The following SFI1 variants were observed in gnomAD, a reference collection of about 807,000 sequenced individuals.
SFI1 encodes the protein SFI1 centrin binding protein.
Under a neutral mutation model 207.5 loss-of-function variants are expected in SFI1, and 195 were observed. The ratio of observed to expected loss-of-function variants is 0.94; its 90% CI spans 0.84 to 1.06. The LOEUF (loss-of-function observed/expected upper bound fraction) is 1.06, where lower values mean the gene tolerates loss of function less well. Among genes scored for constraint, SFI1 ranks in the 50% least tolerant of loss-of-function variants. The pLI, the probability that SFI1 is intolerant of heterozygous loss-of-function variation, is 0.00. For missense variants in SFI1, 1,634 were observed against 1,588.0 expected (o/e 1.03, Z -0.49); for synonymous variants, 630 against 598.9 (o/e 1.05, Z -0.76).
At chr22:31,578,999 T>C (rs1444678191) in intron 11 of SFI1, among the ~76,000 whole-genome samples, 1 of 152,184 alleles carries the variant, frequency 6.6e-6, no homozygotes, top group African/African-American at 2.4e-5. Context: ...GGCATTATTA[T>C]TATTTTTTAG....
intron 1 of SFI1, among the ~76,000 whole-genome samples, chr22:31,506,583 G>A (rs1447344767): frequency 2.6e-5 from 4 of 152,086 alleles, no homozygotes; most frequent in Admixed American, 2.0e-4. Context: ...ACATTTTGCA[G>A]ATGACATGAT....
At chr22:31,540,405 C>T (rs991044231) in intron 4 of SFI1, among the ~76,000 whole-genome samples, 13 of 151,804 alleles carry the variant, frequency 8.6e-5, no homozygotes, top group African/African-American at 2.9e-4. Flanking sequence ...CCTCAGCCTC[C>T]TGAGTAGCTG....
intron 1 of SFI1, among the ~76,000 whole-genome samples, chr22:31,503,584 G>GTTTT (rs34588094): frequency 1.4e-4 from 13 of 94,484 alleles, no homozygotes; most frequent in Non-Finnish European, 1.6e-4. Flanking sequence ...TTCTTGGACT[G>GTTTT]TTTTTTTTTT....
intron 15 of SFI1, among the ~76,000 whole-genome samples, chr22:31,598,938 C>T (rs1017001028): frequency 6.0e-5 from 9 of 149,666 alleles, no homozygotes; most frequent in African/African-American, 1.5e-4. Context: ...GGATTACAAG[C>T]GCACACCACC....
At chr22:31,555,656 C>T (rs1387419054) in intron 6 of SFI1, among the ~76,000 whole-genome samples, 6 of 152,154 alleles carry the variant, frequency 3.9e-5, no homozygotes, top group African/African-American at 1.4e-4. Context: ...CCAAACATAA[C>T]TCTGAGAGAG....
intron 14 of SFI1, chr22:31,587,315 G>GTTTTT: frequency 5.1e-6 from 2 of 395,426 alleles, no homozygotes; most frequent in Admixed American, 2.5e-5. Context: ...GTTTTGTTTT[G>GTTTTT]TTTTTGAGAC....
In SFI1 at chr22:31,573,065, C is replaced by T. The variant is rs2063118557; in HGVS notation, c.773C>T (p.Ser258Leu). The change falls in exon 9 of 33, where the codon TCA becomes TTA. Residue 258 changes from serine (S) to leucine (L), a missense_variant. Coordinates refer to ENST00000400288, the MANE Select transcript of SFI1 (RefSeq NM_001007467.3). ...CTCTTCTCTGGTTTTCAGGCTTGGT[C>T]ACAGTGGCGGGAACAGCTCCTGTAT... ...RALSLQVQAW[S>L]QWREQLLYVQ... 8.1e-6 allele frequency: 13 copies of T among 1,613,130 alleles called. No individual in the cohort carries two copies. Among genetic ancestry groups the T allele is most frequent in the Non-Finnish European group, 1.1e-5 (13 of 1,179,448 alleles).
intron 2 of SFI1, among the ~76,000 whole-genome samples, chr22:31,514,025 TC>T (rs2146833833): frequency 6.6e-6 from 1 of 151,402 alleles, no homozygotes; most frequent in South Asian, 2.1e-4. Context: ...TTCCAGCTAC[TC>T]GGGAAGCTGA....
chr22:31,571,009 A>C (rs1371840851), intron 8 of SFI1, among the ~76,000 whole-genome samples: 1 of 152,220 alleles, frequency 6.6e-6, no homozygotes, highest in Non-Finnish European at 1.5e-5. Flanking sequence ...TTCATTCAGT[A>C]AGCCTGTGGG....
At chr22:31,561,651 T>C (rs2061714046) in intron 8 of SFI1, among the ~76,000 whole-genome samples, 1 of 152,236 alleles carries the variant, frequency 6.6e-6, no homozygotes, top group African/African-American at 2.4e-5. Flanking sequence ...ATGAATTAGT[T>C]ATAAACATGT....
chr22:31,580,247 T>G, intron 11 of SFI1, 25 bp from the exon 12 acceptor site: 1 of 1,582,894 alleles, frequency 6.3e-7, no homozygotes, highest in East Asian at 2.2e-5. Flanking sequence ...GTCCTTGTAA[T>G]CAGTTGTGTC....
In SFI1 at chr22:31,550,356, A is replaced by G. The variant is rs779777899; in HGVS notation, c.544+8A>G. On this transcript the variant is annotated splice_region_variant and intron_variant, in intron 6 of 32. Coordinates refer to ENST00000400288, the MANE Select transcript of SFI1 (RefSeq NM_001007467.3). ...TTAGAGCCGAGGTTCATGGTGAGAA[A>G]AAGAAGTCCATGTCTGAAGAAGATG... 1.3e-5 allele frequency: 21 copies of G among 1,611,706 alleles called. 1 individual carries two copies. Among genetic ancestry groups the G allele is most frequent in the East Asian group, 1.1e-4 (5 of 44,896 alleles).
chr22:31,570,476 A>G (rs530049130), intron 8 of SFI1, among the ~76,000 whole-genome samples: 15 of 152,326 alleles, frequency 9.8e-5, no homozygotes, highest in African/African-American at 3.4e-4. Flanking sequence ...GGCCTTTTGA[A>G]TAGCCACAAG....
intron 20 of SFI1, 39 bp downstream of exon 20, chr22:31,604,984 A>G: frequency 6.5e-7 from 1 of 1,540,554 alleles, no homozygotes; most frequent in African/African-American, 1.4e-5. Context: ...CAGCTGGGGA[A>G]CAAGGAATGC....
At chr22:31,516,402 A>C (rs1017213794) in intron 2 of SFI1, among the ~76,000 whole-genome samples, 1 of 151,670 alleles carries the variant, frequency 6.6e-6, no homozygotes, top group African/African-American at 2.4e-5. Context: ...AGTCCCAGCT[A>C]CTTGGGGGGC....
At chr22:31,589,193 AGTGTGTGTATGT>A (rs1358047862) in intron 14 of SFI1, among the ~76,000 whole-genome samples, 7 of 127,118 alleles carry the variant, frequency 5.5e-5, no homozygotes, top group Non-Finnish European at 1.7e-5. Flanking sequence ...AGTGAGTGAG[AGTGTGTGTATGT>A]GTGTGCGTGT....
intron 15 of SFI1, among the ~76,000 whole-genome samples, chr22:31,592,423 C>T: frequency 1.5e-5 from 1 of 66,236 alleles, no homozygotes; most frequent in Non-Finnish European, 2.9e-5. Flanking sequence ...CCCCCACCTC[C>T]CTCCCGGACG....
At chr22:31,593,275 C>T (rs1206791685) in intron 15 of SFI1, among the ~76,000 whole-genome samples, 2 of 144,324 alleles carry the variant, frequency 1.4e-5, no homozygotes, top group Non-Finnish European at 3.1e-5. Context: ...CCTCACTTCT[C>T]AGACGGGGCG....
intron 2 of SFI1, among the ~76,000 whole-genome samples, chr22:31,509,168 T>G (rs901498757): frequency 3.9e-5 from 6 of 152,200 alleles, no homozygotes; most frequent in Non-Finnish European, 7.3e-5. Flanking sequence ...CATATAGTTG[T>G]GTTAGTCAGG....
Sources: allele counts gnomAD v4.1 joint callset (sites outside exome capture counted in the v4.1 genomes callset), GRCh38; gene constraint gnomAD v4.1.1; transcripts MANE v1.5; gene names NCBI Gene and HGNC (gene_info 2026-07-23, HGNC 2026-07-21).